The following RNF170 variants were observed in gnomAD, a reference collection of about 807,000 sequenced individuals.
RNF170 encodes ring finger protein 170, also known as E3 ubiquitin-protein ligase RNF170.
A neutral mutation model predicts 32.7 loss-of-function variants in RNF170; 12 were observed. That is an observed-to-expected ratio of 0.37 (90% CI 0.24 to 0.60). The LOEUF (loss-of-function observed/expected upper bound fraction) is 0.60, where lower values mean the gene tolerates loss of function less well. Among genes scored for constraint, RNF170 ranks in the 20% least tolerant of loss-of-function variants. The pLI is 0.72. For missense variants in RNF170, 212 were observed against 311.2 expected, an observed-to-expected ratio of 0.68 and a Z score of 2.40; for synonymous variants, 91 against 103.6, an observed-to-expected ratio of 0.88 and a Z score of 0.74.
chr8:42,889,792 C>T (rs1424365816), intron 1 of RNF170, among the ~76,000 whole-genome samples: 1 of 152,180 alleles, frequency 6.6e-6, no homozygotes, highest in Non-Finnish European at 1.5e-5. Context: ...GAGCTGCCAA[C>T]TGAACTGAAG....
At chr8:42,857,330 T>G (rs2128923388) in intron 6 of RNF170, among the ~76,000 whole-genome samples, 1 of 152,244 alleles carries the variant, frequency 6.6e-6, no homozygotes, top group East Asian at 1.9e-4. Flanking sequence ...CAAGAATGGT[T>G]GTTTCATAAT....
chr8:42,859,321 C>T (rs1236034533), intron 6 of RNF170, among the ~76,000 whole-genome samples: 1 of 151,986 alleles, frequency 6.6e-6, no homozygotes, highest in African/African-American at 2.4e-5. Context: ...TGGACCAGCA[C>T]AATGTCTACA....
chr8:42,860,123 G>A (rs896093661), intron 6 of RNF170, among the ~76,000 whole-genome samples: 1 of 152,232 alleles, frequency 6.6e-6, no homozygotes, highest in Non-Finnish European at 1.5e-5. Flanking sequence ...TGTTAAGTTA[G>A]GGATGTCTGT....
At chr8:42,896,757 GGCGGCGGCGGCGGCGGCGGC>G (rs902745314), upstream of RNF170, 99 of 144,630 alleles carry the variant, frequency 6.8e-4, 1 homozygote, top group Non-Finnish European at 1.0e-3. Flanking sequence ...CAGCGGCGGC[GGCGGCGGCGGCGGCGGCGGC>G]GCGGCGGCGC....
intron 2 of RNF170, among the ~76,000 whole-genome samples, chr8:42,878,055 A>ATCAT (rs1805091093): frequency 6.6e-6 from 1 of 152,140 alleles, no homozygotes; most frequent in African/African-American, 2.4e-5. Flanking sequence ...CAATCAATCA[A>ATCAT]TCAATCAATC....
intron 3 of RNF170, among the ~76,000 whole-genome samples, chr8:42,873,588 AT>A (rs1277548077): frequency 2.0e-5 from 3 of 152,312 alleles, no homozygotes; most frequent in African/African-American, 7.2e-5. Flanking sequence ...TCTTCTAGTT[AT>A]TTCTTTGTAG....
chr8:42,894,438 G>C (rs1265316515), intron 1 of RNF170, among the ~76,000 whole-genome samples: 1 of 152,124 alleles, frequency 6.6e-6, no homozygotes, highest in African/African-American at 2.4e-5. Context: ...TTGCCTACAA[G>C]ATTATACGTC....
At chr8:42,850,766 G>A, downstream of RNF170, 1 of 1,551,516 alleles carries the variant, frequency 6.4e-7, no homozygotes, top group Non-Finnish European at 8.7e-7. Flanking sequence ...CCTACTTTTG[G>A]GTAGTCTGAG....
chr8:42,880,213 A>G (rs974853501), intron 2 of RNF170, among the ~76,000 whole-genome samples: 1 of 152,224 alleles, frequency 6.6e-6, no homozygotes, highest in Non-Finnish European at 1.5e-5. Flanking sequence ...CCTATGGATG[A>G]GCAAAAGAAG....
At chr8:42,868,008 G>A (rs978041287) in intron 4 of RNF170, among the ~76,000 whole-genome samples, 3 of 152,128 alleles carry the variant, frequency 2.0e-5, no homozygotes, top group Non-Finnish European at 4.4e-5. Flanking sequence ...AAACGTATCT[G>A]CCTTCTATGA....
chr8:42,872,536 G>A (rs1021186277), intron 3 of RNF170, among the ~76,000 whole-genome samples: 2 of 152,034 alleles, frequency 1.3e-5, no homozygotes, highest in South Asian at 2.1e-4. Context: ...TCCGCCTCCC[G>A]GGTTCAAGTG....
rs1803204944 is a variant in RNF170, at chr8:42,855,761, A to G, written c.*398T>C. ...ATATTTAGATGAGTTTCACAGCTAT[A>G]TATTATCATATAGGTACCTGCTGAG... On this transcript the variant is annotated 3_prime_UTR_variant, in exon 7 of 7. Transcript: ENST00000527424. 4 of 1,251,426 alleles carry G rather than the reference A, an allele frequency of 3.2e-6. No individual in the cohort carries two copies. Among genetic ancestry groups the G allele is most frequent in the African/African-American group, 1.5e-5 (1 of 64,764 alleles). 77.5% of individuals were successfully genotyped at this position (1,251,426 alleles called of 1,614,324 possible).
rs1335531231 is a variant in RNF170 at position 42,856,127 on chromosome 8, A to C, written c.*32T>G. 2 of 1,610,704 alleles carry C rather than the reference A, an allele frequency of 1.2e-6. No homozygotes were observed. The highest frequency in any genetic ancestry group is 1.1e-5 in the South Asian group (1 of 90,358). ...TGTTTGATGTTCTACATTAGCTCAG[A>C]TATCCTAGTAAACTCAGTTTTGTTT... On this transcript the variant is annotated 3_prime_UTR_variant, in exon 7 of 7. Coordinates refer to ENST00000527424, the MANE Select transcript of RNF170 (RefSeq NM_030954.4).
In RNF170 at chr8:42,855,615, G is replaced by T; in HGVS notation, c.*544C>A. On this transcript the variant is annotated 3_prime_UTR_variant, in exon 7 of 7. Transcript: ENST00000527424. ...TTTCTTCTTTCAGTTTCAGCTGATA[G>T]CAAATAATTAATTATACCAGAATGA... is the stretch of plus-strand genomic sequence containing the variant. The T allele has an allele frequency of 7.8e-7, 1 of 1,279,660 alleles. No homozygotes were observed. The highest frequency in any genetic ancestry group is 1.2e-5 in the South Asian group (1 of 80,760). 79.3% of individuals were successfully genotyped at this position (1,279,660 alleles called of 1,614,324 possible). A position where few individuals can be genotyped will look rare whatever the true frequency, so the allele number is the denominator to read the frequency against.
chr8:42,884,105 A>G lies in RNF170; in HGVS notation c.137+3623T>C, dbSNP rs556205511. ...TTTTTTTTTCTTTTTTTTGAGATGG[A>G]GTTTCGCTCTTGTCACCCAGGCTGG... On this transcript the variant is annotated intron_variant, in intron 2 of 6. Transcript: ENST00000527424. 2.6e-5 allele frequency among the ~76,000 whole-genome samples: 4 copies of G among 151,098 alleles called. No individual in the cohort carries two copies. The South Asian group carries it at 8.4e-4, about 32-fold the overall frequency.
intron 1 of RNF170, 148 bp downstream of exon 1, chr8:42,896,336 A>AGGGAGGGGCCCGGGG: frequency 2.5e-6 from 1 of 397,232 alleles, no homozygotes; most frequent in East Asian, 7.9e-5. Context: ...CTTCCAGACG[A>AGGGAGGGGCCCGGGG]GGGAGGGGCC....
intron 4 of RNF170, among the ~76,000 whole-genome samples, chr8:42,869,465 A>T (rs961361186): frequency 3.3e-5 from 5 of 152,180 alleles, no homozygotes; most frequent in East Asian, 1.9e-4. Context: ...TAGGATTCTC[A>T]TTCTCCTTCA....
Position 42,854,923 on chromosome 8 carries a change from A to C in RNF170, c.*1236T>G, listed in dbSNP as rs1043769825. The C allele has an allele frequency of 7.8e-7, 1 of 1,287,250 alleles. No individual in the cohort carries two copies. The highest frequency in any genetic ancestry group is 1.0e-6 in the Non-Finnish European group (1 of 988,698). The allele number at this position is 1,287,250 out of a possible 1,614,324, so 79.7% of individuals were successfully genotyped here. A position where few individuals can be genotyped will look rare whatever the true frequency, so the allele number is the denominator to read the frequency against. On this transcript the variant is annotated 3_prime_UTR_variant, in exon 7 of 7. Transcript: ENST00000527424. Reference sequence around the variant, plus strand: ...TGCTGCCATCCTGAGACAGTATTATAAAAATTTCTGACAACAGAAAACTAA... The same window carrying C: ...TGCTGCCATCCTGAGACAGTATTATCAAAATTTCTGACAACAGAAAACTAA...
At chr8:42,883,914 G>A (rs1805611928) in intron 2 of RNF170, among the ~76,000 whole-genome samples, 1 of 151,880 alleles carries the variant, frequency 6.6e-6, no homozygotes, top group Non-Finnish European at 1.5e-5. Flanking sequence ...CAGTAATCAC[G>A]ATTATTTCAC....
Sources: gnomAD v4.1 joint callset for allele counts (sites outside exome capture counted in the v4.1 genomes callset) on GRCh38, gnomAD v4.1.1 for gene constraint, MANE v1.5 for transcripts, NCBI Gene and HGNC (gene_info 2026-07-23, HGNC 2026-07-21) for gene names.